LAMB1: variants seen among roughly 807,000 people sequenced by gnomAD.
The protein encoded by LAMB1 is laminin subunit beta-1.
In LAMB1, 121 loss-of-function variants were observed where a neutral mutation model predicts 222.3. The observed-to-expected ratio is 0.54, with a 90% CI of 0.47 to 0.63. LAMB1 has a LOEUF of 0.63. Ranked by LOEUF, LAMB1 falls within the 30% of genes least tolerant of loss-of-function variation. The pLI is 0.00. For synonymous variants in LAMB1, 794 were observed against 807.2 expected (o/e 0.98, Z 0.28); for missense variants, 2,172 against 2,240.8 (o/e 0.97, Z 0.62).
At chr7:107,961,488 T>C (rs562295321) in intron 16 of LAMB1, 61 bp downstream of exon 16, 2 of 1,588,742 alleles carry the variant, frequency 1.3e-6, no homozygotes, top group South Asian at 2.3e-5. Context: ...TCGCAAAATA[T>C]TAGAAAAATA....
chr7:107,986,239 T>C lies in LAMB1; in HGVS notation c.548A>G (p.Lys183Arg), dbSNP rs373984358. ...ATCACAAATTATGTCATCGACTTTT[T>C]TCATGGGGCCAGTTGAAATGCCTGG... ...SFPGISTGPMKKVDDIICDSR... is the reference protein window; with the variant it reads ...SFPGISTGPMRKVDDIICDSR... Residue 183 changes from lysine (K) to arginine (R), a missense_variant, in exon 6 of 34, where the codon AAA becomes AGA. Lys to Arg is a conservative substitution (Grantham distance 26). Coordinates refer to ENST00000222399, the MANE Select transcript of LAMB1 (RefSeq NM_002291.3). 1.4e-5 allele frequency: 22 copies of C among 1,614,070 alleles called. No homozygotes were observed. The African/African-American group carries it at 2.7e-4, about 20-fold the overall frequency.
At chr7:107,979,809 C>T (rs1283493029) in intron 8 of LAMB1, among the ~76,000 whole-genome samples, 1 of 152,260 alleles carries the variant, frequency 6.6e-6, no homozygotes, top group African/African-American at 2.4e-5. Context: ...CGCATTGGCT[C>T]ACGCCTGTAA....
At position 107,973,157 on chromosome 7, in the gene LAMB1, G is replaced by T. The variant is rs1044061452; in HGVS notation, c.1483-86C>A. The T allele has an allele frequency of 6.4e-6, 7 of 1,089,946 alleles. No homozygotes were observed. In the East Asian group the frequency reaches 1.4e-4, roughly 22 times the overall value. 67.5% of individuals were successfully genotyped at this position (1,089,946 alleles called of 1,614,324 possible). On this transcript the variant is annotated intron_variant, in intron 12 of 33. Coordinates refer to ENST00000222399, the MANE Select transcript of LAMB1 (RefSeq NM_002291.3). ...CAACAAGCAAGTTAAAGCTTGTTTCGGCTGTTCCACCAAATGCTCATTTTC... is the reference window on the plus strand; with the variant it reads ...CAACAAGCAAGTTAAAGCTTGTTTCTGCTGTTCCACCAAATGCTCATTTTC...
chr7:107,924,196 AATT>A (rs2032504986), intron 33 of LAMB1, 31 bp downstream of exon 33: 2 of 1,570,346 alleles, frequency 1.3e-6, no homozygotes, highest in Non-Finnish European at 1.7e-6. Flanking sequence ...GCCTTAAAGT[AATT>A]TAAAAAATAA....
intron 13 of LAMB1, among the ~76,000 whole-genome samples, chr7:107,965,355 G>A (rs552136327): frequency 1.9e-4 from 29 of 152,252 alleles, no homozygotes; most frequent in Non-Finnish European, 2.2e-4. Flanking sequence ...CGAGACAGGC[G>A]GATCACCTGA....
chr7:107,991,658 C>T (rs1404072456), intron 5 of LAMB1, among the ~76,000 whole-genome samples: 2 of 151,816 alleles, frequency 1.3e-5, no homozygotes, highest in African/African-American at 2.4e-5. Context: ...CGTCTGTAAT[C>T]CCAGCACTTT....
intron 24 of LAMB1, 154 bp from the exon 25 acceptor site, chr7:107,940,512 T>A (rs1028121256): frequency 1.4e-6 from 1 of 717,522 alleles, no homozygotes; most frequent in South Asian, 1.9e-5. Flanking sequence ...TGTAGCAGCT[T>A]CCTCTAGCAC....
At chr7:107,962,756 C>T (rs1203334989) in intron 15 of LAMB1, 149 bp downstream of exon 15, 1 of 363,076 alleles carries the variant, frequency 2.8e-6, no homozygotes, top group African/African-American at 2.1e-5. Flanking sequence ...TTTATTTTAA[C>T]TTCCATGGAG....
At chr7:107,938,879 TTAAATC>T (rs2032912043) in intron 25 of LAMB1, among the ~76,000 whole-genome samples, 2 of 152,180 alleles carry the variant, frequency 1.3e-5, no homozygotes, top group African/African-American at 4.8e-5. Context: ...TCCAGTTACT[TTAAATC>T]TAGGTCTAGG....
intron 2 of LAMB1, 73 bp from the exon 3 acceptor site, chr7:108,001,806 G>A (rs1157880487): frequency 6.3e-7 from 1 of 1,581,794 alleles, no homozygotes; most frequent in Non-Finnish European, 8.6e-7. Context: ...CGAACAAGCG[G>A]GGGCGGGGGA....
intron 24 of LAMB1, among the ~76,000 whole-genome samples, chr7:107,944,279 T>C (rs368110257): frequency 3.3e-5 from 5 of 152,184 alleles, no homozygotes; most frequent in South Asian, 2.1e-4. Flanking sequence ...CATTCTGTCA[T>C]AGGCATCTTT....
At chr7:107,970,488 C>CAAA (rs78303178) in intron 13 of LAMB1, among the ~76,000 whole-genome samples, 2 of 43,132 alleles carry the variant, frequency 4.6e-5, no homozygotes, top group African/African-American at 1.3e-4. Context: ...AACTCTGTCT[C>CAAA]AAAAAAAAAA....
At chr7:107,961,390 A>T in intron 16 of LAMB1, 61 bp from the exon 17 acceptor site, 5 of 1,596,046 alleles carry the variant, frequency 3.1e-6, no homozygotes, top group East Asian at 4.5e-5. Flanking sequence ...TCCAAAAAAT[A>T]AAAATTAAAA....
intron 31 of LAMB1, among the ~76,000 whole-genome samples, chr7:107,926,582 C>T (rs1016869760): frequency 6.6e-6 from 1 of 152,044 alleles, no homozygotes; most frequent in African/African-American, 2.4e-5. Context: ...TTCTGATGAT[C>T]TAAGCTGAGA....
At chr7:108,002,384 T>G in intron 2 of LAMB1, 1 of 1,315,992 alleles carries the variant, frequency 7.6e-7, no homozygotes, top group South Asian at 1.2e-5. Context: ...TCCTGCTGTT[T>G]CTGGTGCCAT....
At chr7:107,930,643 G>A (rs2116323434) in intron 29 of LAMB1, among the ~76,000 whole-genome samples, 2 of 152,278 alleles carry the variant, frequency 1.3e-5, no homozygotes, top group East Asian at 3.9e-4. Context: ...GGCTTCTAGG[G>A]AAGACTTCCT....
At chr7:107,939,633 C>G (rs1165717131) in intron 25 of LAMB1, among the ~76,000 whole-genome samples, 1 of 152,160 alleles carries the variant, frequency 6.6e-6, no homozygotes, top group Admixed American at 6.5e-5. Context: ...TTGAGTCATC[C>G]AAGTTCACAA....
intron 7 of LAMB1, among the ~76,000 whole-genome samples, chr7:107,984,239 C>T (rs956445157): frequency 4.6e-5 from 7 of 151,934 alleles, no homozygotes; most frequent in African/African-American, 1.7e-4. Context: ...ACGTGTGCAA[C>T]TTCCACATCT....
At position 107,959,834 on chromosome 7, in the gene LAMB1, G is replaced by A; in HGVS notation, c.2315C>T (p.Ala772Val). Residue 772 changes from alanine (A) to valine (V), a missense_variant and splice_region_variant, in exon 19 of 34, where the codon GCT becomes GTT. Coordinates refer to ENST00000222399, the MANE Select transcript of LAMB1 (RefSeq NM_002291.3). ...ISALLHQTGL[A>V]CECDPQGSLS... Reference sequence around the variant, plus strand: ...CGAACCCTGAGGGTCGCATTCACAAGCTGTGGGTAAAGAGAGGCCAGAACC... The same window carrying A: ...CGAACCCTGAGGGTCGCATTCACAAACTGTGGGTAAAGAGAGGCCAGAACC... The A allele has an allele frequency of 6.2e-7, 1 of 1,612,170 alleles. No individual in the cohort carries two copies. Among genetic ancestry groups the A allele is most frequent in the Non-Finnish European group, 8.5e-7 (1 of 1,179,012 alleles).
Sources: gnomAD v4.1 joint callset for allele counts (sites outside exome capture counted in the v4.1 genomes callset) on GRCh38, gnomAD v4.1.1 for gene constraint, MANE v1.5 for transcripts, NCBI Gene and HGNC (gene_info 2026-07-23, HGNC 2026-07-21) for gene names.